PCDH15: variants seen among roughly 807,000 people sequenced by gnomAD.
PCDH15 encodes the protein protocadherin-15.
PCDH15 carries 129 observed loss-of-function variants against 178.5 expected under a neutral mutation model. That is an observed-to-expected ratio of 0.72 (90% CI 0.63 to 0.84). The LOEUF is 0.84. PCDH15 is among the 40% of genes least tolerant of loss of function. The pLI is 0.00. For missense variants in PCDH15, 2,230 were observed against 2,099.9 expected (o/e 1.06, Z -1.21); for synonymous variants, 800 against 732.0 (o/e 1.09, Z -1.50).
chr10:55,318,592 A>G (rs1843793518), intron 1 of PCDH15, among the ~76,000 whole-genome samples: 1 of 152,182 alleles, frequency 6.6e-6, no homozygotes, highest in African/African-American at 2.4e-5. Flanking sequence ...CAGAGAAAAT[A>G]TAAAAAATAT....
intron 1 of PCDH15, among the ~76,000 whole-genome samples, chr10:55,241,153 T>G (rs1204443768): frequency 6.6e-6 from 1 of 151,998 alleles, no homozygotes; most frequent in African/African-American, 2.4e-5. Context: ...GAGGCGGAGG[T>G]TGCAGTGAGC....
chr10:55,402,938 C>G (rs938530105), intron 2 of PCDH15, among the ~76,000 whole-genome samples: 5 of 151,924 alleles, frequency 3.3e-5, no homozygotes, highest in African/African-American at 9.7e-5. Context: ...ACATTCCCCT[C>G]AACAGTATAT....
chr10:55,189,248 C>A (rs2132143829), intron 1 of PCDH15, among the ~76,000 whole-genome samples: 1 of 151,936 alleles, frequency 6.6e-6, no homozygotes, highest in Non-Finnish European at 1.5e-5. Flanking sequence ...ATTTAGCATT[C>A]ATTTGCCTAG....
intron 13 of PCDH15, among the ~76,000 whole-genome samples, chr10:54,171,508 T>C (rs1193964316): frequency 2.0e-5 from 3 of 151,426 alleles, no homozygotes; most frequent in Non-Finnish European, 4.4e-5. Context: ...CTATCTTCTG[T>C]CTAGTCATAC....
At chr10:55,373,018 G>GATTCAAAAAATA (rs1421875342) in intron 2 of PCDH15, among the ~76,000 whole-genome samples, 2 of 151,996 alleles carry the variant, frequency 1.3e-5, no homozygotes, top group Non-Finnish European at 2.9e-5. Context: ...TAGACATTAA[G>GATTCAAAAAATA]ATTCAAAAAA....
intron 25 of PCDH15, among the ~76,000 whole-genome samples, chr10:53,919,921 A>C (rs888508550): frequency 6.6e-6 from 1 of 152,186 alleles, no homozygotes; most frequent in African/African-American, 2.4e-5. Flanking sequence ...AGATTGCTAG[A>C]ATGGGGACAG....
intron 3 of PCDH15, among the ~76,000 whole-genome samples, chr10:54,866,289 T>G (rs1316694440): frequency 6.6e-6 from 1 of 152,228 alleles, no homozygotes; most frequent in African/African-American, 2.4e-5. Flanking sequence ...TGCCAACTAT[T>G]AAAAGTCTAA....
At chr10:54,921,020 C>T (rs1837472962) in intron 2 of PCDH15, among the ~76,000 whole-genome samples, 1 of 152,136 alleles carries the variant, frequency 6.6e-6, no homozygotes, top group South Asian at 2.1e-4. Flanking sequence ...TGTGGCATTT[C>T]CTCTTCTGTT....
At chr10:55,401,701 T>C (rs1164255534) in intron 2 of PCDH15, among the ~76,000 whole-genome samples, 1 of 150,006 alleles carries the variant, frequency 6.7e-6, no homozygotes, top group East Asian at 2.0e-4. Context: ...ATAATGCTGA[T>C]TAGGGGAAGG....
intron 1 of PCDH15, among the ~76,000 whole-genome samples, chr10:55,303,639 G>T (rs140471042): frequency 6.6e-6 from 1 of 151,984 alleles, no homozygotes; most frequent in Non-Finnish European, 1.5e-5. Context: ...TTGGTAGTTG[G>T]TGTTTTTTTT....
At chr10:55,200,445 T>G (rs191167470) in intron 1 of PCDH15, among the ~76,000 whole-genome samples, 2 of 152,236 alleles carry the variant, frequency 1.3e-5, no homozygotes, top group Non-Finnish European at 2.9e-5. Flanking sequence ...GTAAGTAATT[T>G]GAACTTGTGT....
At chr10:54,203,144 G>A (rs555442504) in intron 10 of PCDH15, among the ~76,000 whole-genome samples, 75 of 152,282 alleles carry the variant, frequency 4.9e-4, no homozygotes, top group Non-Finnish European at 9.1e-4. Flanking sequence ...CACGCCAGAA[G>A]ATTTGGAGTC....
intron 1 of PCDH15, among the ~76,000 whole-genome samples, chr10:55,257,822 TC>T (rs1354083482): frequency 6.6e-6 from 1 of 151,998 alleles, no homozygotes. Context: ...CAGGAGAACT[TC>T]CCCAATCTAG....
At chr10:55,510,412 A>G (rs1459880853) in intron 2 of PCDH15, among the ~76,000 whole-genome samples, 1 of 152,004 alleles carries the variant, frequency 6.6e-6, no homozygotes, top group Non-Finnish European at 1.5e-5. Flanking sequence ...TGTGGAATTT[A>G]CAAAGAATAA....
At chr10:55,112,857 C>T (rs1837541966) in intron 2 of PCDH15, among the ~76,000 whole-genome samples, 1 of 152,160 alleles carries the variant, frequency 6.6e-6, no homozygotes, top group Admixed American at 6.5e-5. Flanking sequence ...AGAAGGAAAA[C>T]AACACATAAA....
At chr10:54,745,567 T>C (rs756100540) in intron 1 of PCDH15, among the ~76,000 whole-genome samples, 3 of 152,156 alleles carry the variant, frequency 2.0e-5, no homozygotes, top group Non-Finnish European at 4.4e-5. Context: ...TTGAAATCAG[T>C]TAGACTGGTA....
intron 2 of PCDH15, among the ~76,000 whole-genome samples, chr10:55,354,845 A>C (rs1280754219): frequency 1.3e-5 from 2 of 152,094 alleles, no homozygotes; most frequent in African/African-American, 4.8e-5. Flanking sequence ...TACCACCAAA[A>C]TCAAGACACA....
chr10:54,860,339 C>G (rs1431335533), intron 3 of PCDH15, among the ~76,000 whole-genome samples: 1 of 152,014 alleles, frequency 6.6e-6, no homozygotes, highest in Non-Finnish European at 1.5e-5. Flanking sequence ...CTATTGTTCC[C>G]ATCTTTATGT....
chr10:54,156,237 C>T (rs190396529), intron 13 of PCDH15, among the ~76,000 whole-genome samples: 3 of 152,208 alleles, frequency 2.0e-5, no homozygotes, highest in Admixed American at 2.0e-4. Flanking sequence ...ATAATTCCTT[C>T]CTCTCAGTGT....
Sources: allele counts gnomAD v4.1 joint callset (sites outside exome capture counted in the v4.1 genomes callset), GRCh38; gene constraint gnomAD v4.1.1; transcripts MANE v1.5; gene names NCBI Gene and HGNC (gene_info 2026-07-23, HGNC 2026-07-21).